The following IRF2 variants were observed in gnomAD, a reference collection of about 807,000 sequenced individuals.
IRF2 encodes the protein interferon regulatory factor 2.
Under a neutral mutation model 40.6 loss-of-function variants are expected in IRF2, and 15 were observed. The ratio of observed to expected loss-of-function variants is 0.37; its 90% CI spans 0.25 to 0.57. IRF2 has a LOEUF of 0.57. Ranked by LOEUF, IRF2 falls within the 20% of genes least tolerant of loss-of-function variation. The probability of loss-of-function intolerance (pLI) is 0.77; values close to 1 mark genes in which losing one functional copy is unlikely to be tolerated. For missense variants in IRF2, 317 were observed against 455.7 expected (o/e 0.70, Z 2.77); for synonymous variants, 151 against 165.5 (o/e 0.91, Z 0.67).
intron 6 of IRF2, among the ~76,000 whole-genome samples, chr4:184,403,134 T>C (rs1736727948): frequency 1.3e-5 from 2 of 152,178 alleles, no homozygotes; most frequent in Admixed American, 6.5e-5. Flanking sequence ...CAATGGCTTC[T>C]CTCCATCCAG....
chr4:184,457,692 C>G (rs1312496068), intron 1 of IRF2, among the ~76,000 whole-genome samples: 1 of 152,186 alleles, frequency 6.6e-6, no homozygotes, highest in Non-Finnish European at 1.5e-5. Context: ...CAACCCAGTC[C>G]TTCCCGCAAT....
At chr4:184,419,000 G>C (rs557093044) in intron 3 of IRF2, among the ~76,000 whole-genome samples, 1 of 152,172 alleles carries the variant, frequency 6.6e-6, no homozygotes, top group East Asian at 1.9e-4. Flanking sequence ...GAGCATCAGC[G>C]TAAGAAAAAT....
At position 184,408,095 on chromosome 4, in the gene IRF2, A is replaced by G; in HGVS notation, c.529+63T>C. ...TATGTTATTTGAAGTTCTCTGTTTT[A>G]CAAATTTTAGGCCCCAGGGGGCTGC... On this transcript the variant is annotated intron_variant, in intron 6 of 8. Transcript: ENST00000393593. The surrounding 1 kb of genome is among the most constrained non-coding windows in gnomAD (Gnocchi z 4.9). The G allele has an allele frequency of 2.2e-6, 2 of 913,184 alleles. No homozygotes were observed. The highest frequency in any genetic ancestry group is 2.8e-5 in the South Asian group (2 of 71,536). 56.6% of individuals were successfully genotyped at this position (913,184 alleles called of 1,614,324 possible).
chr4:184,446,586 C>T (rs942130151), intron 1 of IRF2, among the ~76,000 whole-genome samples: 4 of 152,160 alleles, frequency 2.6e-5, no homozygotes, highest in African/African-American at 9.7e-5. Context: ...AAGGAAGTTA[C>T]AGATACAGAA....
At chr4:184,420,971 G>A (rs1737461292) in intron 2 of IRF2, among the ~76,000 whole-genome samples, 1 of 152,238 alleles carries the variant, frequency 6.6e-6, no homozygotes. Context: ...AAGAGTCCCT[G>A]TCCTATGACA....
At chr4:184,437,874 A>G (rs1388307866) in intron 1 of IRF2, among the ~76,000 whole-genome samples, 1 of 151,726 alleles carries the variant, frequency 6.6e-6, no homozygotes, top group Non-Finnish European at 1.5e-5. Context: ...ACACGCGTAT[A>G]GGAATCTAAC....
intron 1 of IRF2, among the ~76,000 whole-genome samples, chr4:184,434,261 C>G (rs1165070156): frequency 6.6e-6 from 1 of 152,204 alleles, no homozygotes; most frequent in African/African-American, 2.4e-5. Flanking sequence ...GACATTGTGT[C>G]GCGACCTTGA....
chr4:184,399,978 T>A (rs901626847), intron 6 of IRF2, among the ~76,000 whole-genome samples: 2 of 152,242 alleles, frequency 1.3e-5, no homozygotes, highest in African/African-American at 4.8e-5. Context: ...AAAGCTAGAA[T>A]ACAATATCGC....
chr4:184,388,544 C>T lies in IRF2; in HGVS notation c.*214G>A, dbSNP rs904816439. ...GAGTGAGTAGCCCTGGGAGATCCAG[C>T]AGGCTCTAGAAACACACGTCTACCA... On this transcript the variant is annotated 3_prime_UTR_variant, in exon 9 of 9. Transcript: ENST00000393593. This position sits in a 1 kb window ranked among gnomAD's most constrained non-coding sequence, Gnocchi z 4.6. 14 of 547,850 alleles carry T rather than the reference C, an allele frequency of 2.6e-5. No individual in the cohort carries two copies. Among genetic ancestry groups the T allele is most frequent in the Non-Finnish European group, 4.1e-5 (13 of 316,376 alleles). The allele number at this position is 547,850 out of a possible 1,614,324, so 33.9% of individuals were successfully genotyped here. A position where few individuals can be genotyped will look rare whatever the true frequency, so the allele number is the denominator to read the frequency against.
intron 1 of IRF2, among the ~76,000 whole-genome samples, chr4:184,439,804 C>G (rs73874648): frequency 6.6e-6 from 1 of 152,128 alleles, no homozygotes; most frequent in East Asian, 1.9e-4. Flanking sequence ...GTGCTGCATC[C>G]GAACCATAAT....
chr4:184,415,294 G>A (rs1043365614), intron 5 of IRF2, among the ~76,000 whole-genome samples: 8 of 152,158 alleles, frequency 5.3e-5, no homozygotes, highest in South Asian at 2.1e-4. Flanking sequence ...ATATCTTCAC[G>A]GCACAAGGAT....
At chr4:184,400,891 T>C (rs372452321) in intron 6 of IRF2, among the ~76,000 whole-genome samples, 2 of 152,356 alleles carry the variant, frequency 1.3e-5, no homozygotes. Context: ...CTTCAATAAA[T>C]AAAGGTGAAG....
intron 7 of IRF2, among the ~76,000 whole-genome samples, chr4:184,398,697 C>T (rs1320813986): frequency 6.6e-6 from 1 of 151,840 alleles, no homozygotes; most frequent in African/African-American, 2.4e-5. Context: ...AATGTCATGG[C>T]CAACTGAGTA....
chr4:184,411,240 G>C (rs966441179), intron 5 of IRF2, among the ~76,000 whole-genome samples: 1 of 151,974 alleles, frequency 6.6e-6, no homozygotes, highest in Non-Finnish European at 1.5e-5. Flanking sequence ...TGTATTTTTA[G>C]TAGAGATGGG....
intron 1 of IRF2, among the ~76,000 whole-genome samples, chr4:184,470,647 G>A (rs951379280): frequency 4.0e-5 from 6 of 148,576 alleles, no homozygotes; most frequent in Non-Finnish European, 8.9e-5. Flanking sequence ...CTGAAAGTGT[G>A]CCACTGTACA....
intron 6 of IRF2, among the ~76,000 whole-genome samples, chr4:184,407,836 G>T (rs1259470253): frequency 6.6e-6 from 1 of 152,160 alleles, no homozygotes; most frequent in Non-Finnish European, 1.5e-5. Flanking sequence ...TGGTTCCCGA[G>T]TTAAATAAAT....
intron 6 of IRF2, among the ~76,000 whole-genome samples, chr4:184,402,524 G>C (rs919203654): frequency 4.6e-5 from 7 of 152,148 alleles, no homozygotes; most frequent in Non-Finnish European, 1.0e-4. Context: ...CTCAACCAAA[G>C]TATGAACTTT....
intron 1 of IRF2, among the ~76,000 whole-genome samples, chr4:184,431,724 C>T (rs963394405): frequency 6.6e-6 from 1 of 152,144 alleles, no homozygotes; most frequent in Non-Finnish European, 1.5e-5. Flanking sequence ...AAGTGCTGTG[C>T]GTGGTCCCTG....
intron 7 of IRF2, among the ~76,000 whole-genome samples, chr4:184,393,440 G>A (rs942148795): frequency 1.9e-4 from 29 of 151,882 alleles, no homozygotes; most frequent in Admixed American, 9.2e-4. Context: ...ACAAAGATAC[G>A]CAACCAAGCA....
Sources: gnomAD v4.1 joint callset for allele counts (sites outside exome capture counted in the v4.1 genomes callset) on GRCh38, gnomAD v4.1.1 for gene constraint, Gnocchi (gnomAD v3.1) non-coding constraint, MANE v1.5 for transcripts, NCBI Gene and HGNC (gene_info 2026-07-23, HGNC 2026-07-21) for gene names.